CDC23: variants seen among roughly 807,000 people sequenced by gnomAD.
CDC23 encodes the protein cell division cycle 23.
Under a neutral mutation model 81.7 loss-of-function variants are expected in CDC23, and 26 were observed. The ratio of observed to expected loss-of-function variants is 0.32; its 90% CI spans 0.23 to 0.44. The LOEUF (loss-of-function observed/expected upper bound fraction) is 0.44, where lower values mean the gene tolerates loss of function less well. Among genes scored for constraint, CDC23 ranks in the 20% least tolerant of loss-of-function variants. The pLI is 1.00. For synonymous variants in CDC23, 267 were observed against 270.8 expected (o/e 0.99, Z 0.14); for missense variants, 519 against 728.0 (o/e 0.71, Z 3.30).
At position 138,198,754 on chromosome 5, in the gene CDC23, C is replaced by A; in HGVS notation, c.683G>T (p.Trp228Leu). 6.2e-7 allele frequency: 1 copy of A among 1,614,040 alleles called. No individual in the cohort carries two copies. Among genetic ancestry groups the A allele is most frequent in the Non-Finnish European group, 8.5e-7 (1 of 1,179,986 alleles). The change falls in exon 7 of 16, where the codon TGG becomes TTG. Residue 228 changes from tryptophan to leucine, a missense_variant. Transcript: ENST00000394886. ...ATGAGCCAGAAAAAACTCTTTCATC[C>A]AGGTGTCTGGCAAAGACAGGAACTT... ...MLKFLSLPDTWMKEFFLAHIY... is the reference protein window; with the variant it reads ...MLKFLSLPDTLMKEFFLAHIY...
At chr5:138,206,399 TATG>T (rs1581489994) in intron 3 of CDC23, 145 bp downstream of exon 3, 3 of 779,428 alleles carry the variant, frequency 3.8e-6, no homozygotes, top group Middle Eastern at 3.7e-4. Context: ...TAACTTTATT[TATG>T]ATATCTTTTT....
rs1325646809 is a variant in CDC23 at position 138,202,106 on chromosome 5, T to A, written c.415+7A>T. 2.5e-6 allele frequency: 4 copies of A among 1,607,520 alleles called. No homozygotes were observed. Among genetic ancestry groups the A allele is most frequent in the Non-Finnish European group, 3.4e-6 (4 of 1,177,198 alleles). Reference sequence around the variant, plus strand: ...TAGGTCAAAAGGTAAAAGAAAAAAATTCGTACCTAAGCTATCAACTGTTTC... The same window carrying A: ...TAGGTCAAAAGGTAAAAGAAAAAAAATCGTACCTAAGCTATCAACTGTTTC... On this transcript the variant is annotated splice_region_variant and intron_variant, in intron 4 of 15. Transcript: ENST00000394886.
At chr5:138,189,279 T>C (rs1581481892) in intron 15 of CDC23, 131 bp from the exon 16 acceptor site, 1 of 797,516 alleles carries the variant, frequency 1.3e-6, no homozygotes, top group Non-Finnish European at 2.0e-6. Context: ...TTTTTTGAGA[T>C]GGAGTCTCAC....
At position 138,205,492 on chromosome 5, in the gene CDC23, TAGAAAC is replaced by T. The variant is rs17234758; in HGVS notation, c.372+1049_372+1054del. 6.4e-3 allele frequency among the ~76,000 whole-genome samples: 968 copies of T among 152,124 alleles called. 11 individuals are homozygous for T. Among genetic ancestry groups the T allele is most frequent in the Non-Finnish European group, 0.01 (681 of 68,000 alleles). ...AAGGTACTTAGAGTAGTCCAGATCA[TAGAAAC>T]AGAAAATAGAATAGTGGTTGCCAAG... On this transcript the variant is annotated intron_variant, in intron 3 of 15. Coordinates refer to ENST00000394886, the MANE Select transcript of CDC23 (RefSeq NM_004661.4).
In CDC23 at chr5:138,193,571, G is replaced by T. The variant is rs17228505; in HGVS notation, c.1013-914C>A. Among the ~76,000 whole-genome samples, 424 of 151,824 alleles carry T rather than the reference G, an allele frequency of 2.8e-3. 15 individuals carry two copies. The highest frequency in any genetic ancestry group is 0.025 in the Admixed American group (383 of 15,232). On this transcript the variant is annotated intron_variant, in intron 9 of 15. Coordinates refer to ENST00000394886, the MANE Select transcript of CDC23 (RefSeq NM_004661.4). ...AGATCGTGCCACTGCACTCCAGCTT[G>T]GGTAATAGAGCAAAACAACATCTTA...
At chr5:138,202,213 A>G in intron 3 of CDC23, 58 bp from the exon 4 acceptor site, 1 of 1,357,754 alleles carries the variant, frequency 7.4e-7, no homozygotes, top group South Asian at 1.2e-5. Context: ...ACATACTTTA[A>G]AACTAGCATC....
At chr5:138,198,564 T>C (rs764426634) in intron 7 of CDC23, 41 bp from the exon 8 acceptor site, 35 of 1,612,104 alleles carry the variant, frequency 2.2e-5, no homozygotes, top group Non-Finnish European at 2.5e-5. Context: ...ACAATGCACC[T>C]GTCAGGGTCT....
Position 138,191,521 on chromosome 5 carries a change from A to G in CDC23, c.1377T>C (p.Ala459=). Residue 459 remains alanine, a synonymous_variant, in exon 13 of 16, where the codon GCT becomes GCC. Coordinates refer to ENST00000394886, the MANE Select transcript of CDC23 (RefSeq NM_004661.4). ...LVEAKKCYWR[A]YAVGDVEKMA... ...TTTTCTCCACATCTCCCACGGCGTAAGCTCTCCAATAACACTGTCAAAAAA... is the reference window on the plus strand; with the variant it reads ...TTTTCTCCACATCTCCCACGGCGTAGGCTCTCCAATAACACTGTCAAAAAA... 6.2e-7 allele frequency: 1 copy of G among 1,614,142 alleles called. No homozygotes were observed. The highest frequency in any genetic ancestry group is 8.5e-7 in the Non-Finnish European group (1 of 1,179,958).
chr5:138,202,880 G>T (rs1048442893), intron 3 of CDC23, among the ~76,000 whole-genome samples: 6 of 152,172 alleles, frequency 3.9e-5, no homozygotes, highest in African/African-American at 4.8e-5. Context: ...TAAATTTAGA[G>T]AAAAATTTGT....
At chr5:138,201,064 G>A (rs556446774) in intron 6 of CDC23, 43 bp downstream of exon 6, 1 of 1,601,410 alleles carries the variant, frequency 6.2e-7, no homozygotes, top group East Asian at 2.2e-5. Flanking sequence ...AATTACAAAA[G>A]GCTTGAAGCA....
At chr5:138,190,950 C>G (rs1226446509) in intron 13 of CDC23, among the ~76,000 whole-genome samples, 1 of 151,776 alleles carries the variant, frequency 6.6e-6, no homozygotes, top group Non-Finnish European at 1.5e-5. Context: ...ATTTAAGAAC[C>G]TCTTTGCCTA....
chr5:138,206,184 A>G, intron 3 of CDC23: 1 of 322,798 alleles, frequency 3.1e-6, no homozygotes, highest in East Asian at 5.2e-5. Flanking sequence ...AATAGCCATG[A>G]AAGAAAAACA....
At chr5:138,209,667 A>G (rs1755091694) in intron 2 of CDC23, among the ~76,000 whole-genome samples, 1 of 151,188 alleles carries the variant, frequency 6.6e-6, no homozygotes, top group Non-Finnish European at 1.5e-5. Context: ...TCTGTTAAAA[A>G]TACAAAAATT....
intron 9 of CDC23, among the ~76,000 whole-genome samples, chr5:138,195,628 A>AAT (rs1232562552): frequency 1.7e-5 from 2 of 117,496 alleles, no homozygotes; most frequent in Non-Finnish European, 3.3e-5. Context: ...TATAAATATA[A>AAT]ATATATATAC....
At chr5:138,205,859 T>G (rs1755042644) in intron 3 of CDC23, 2 of 152,072 alleles carry the variant, frequency 1.3e-5, no homozygotes, top group Non-Finnish European at 2.9e-5. Context: ...CCAATGACAC[T>G]CAAAGCACCA....
chr5:138,191,497 T>C lies in CDC23; in HGVS notation c.1401A>G (p.Lys467=). 1 of 1,614,148 alleles carries C rather than the reference T, an allele frequency of 6.2e-7. No homozygotes were observed. The highest frequency in any genetic ancestry group is 8.5e-7 in the Non-Finnish European group (1 of 1,180,010). ...ACTTTGCCAGTTTCACCAGAGCCAT[T>C]TTCTCCACATCTCCCACGGCGTAAG... ...WRAYAVGDVE[K]MALVKLAKLH... is the part of the protein sequence containing the mutation. Residue 467 remains lysine (K), a synonymous_variant, in exon 13 of 16, where the codon AAA becomes AAG. Transcript: ENST00000394886.
chr5:138,192,133 C>T, intron 11 of CDC23, 136 bp downstream of exon 11: 3 of 1,119,146 alleles, frequency 2.7e-6, no homozygotes, highest in Non-Finnish European at 3.8e-6. Flanking sequence ...AATAACCAAA[C>T]AGCCTTCAGC....
chr5:138,189,924 C>CTT lies in CDC23; in HGVS notation c.1425-20_1425-19dup. On this transcript the variant is annotated intron_variant, in intron 13 of 15. Coordinates refer to ENST00000394886, the MANE Select transcript of CDC23 (RefSeq NM_004661.4). ...CATGAAGCCTACAAAAGAAACTGAT[C>CTT]TTTAAATACCAATGATATCCCAAAG... 6.2e-7 allele frequency: 1 copy of CTT among 1,609,732 alleles called. No homozygotes were observed. Among genetic ancestry groups the CTT allele is most frequent in the Non-Finnish European group, 8.5e-7 (1 of 1,176,942 alleles).
rs554353662 is a variant in CDC23 at position 138,213,293 on chromosome 5, A to C, written c.20T>G (p.Met7Arg). 1 of 1,613,818 alleles carries C rather than the reference A, an allele frequency of 6.2e-7. No homozygotes were observed. Among genetic ancestry groups the C allele is most frequent in the Non-Finnish European group, 8.5e-7 (1 of 1,179,916 alleles). ...TGCCGCCGTCACAGCCACCGGGACC[A>C]TGGAGGTACTCGCAGCCATTTTCCC... The part of the protein sequence containing the change: MAASTS[M>R]VPVAVTAAVA... Residue 7 changes from methionine to arginine, a missense_variant, in exon 1 of 16, where the codon ATG (methionine) becomes AGG (arginine). Physicochemically the swap from Met to Arg is moderately conservative, Grantham distance 91. Transcript: ENST00000394886.
Sources: allele counts gnomAD v4.1 joint callset (sites outside exome capture counted in the v4.1 genomes callset), GRCh38; gene constraint gnomAD v4.1.1; transcripts MANE v1.5; gene names NCBI Gene and HGNC (gene_info 2026-07-23, HGNC 2026-07-21).